The following THEMIS variants were observed in gnomAD, a reference collection of about 807,000 sequenced individuals.
THEMIS encodes thymocyte selection associated.
A neutral mutation model predicts 52.6 loss-of-function variants in THEMIS; 37 were observed. The ratio of observed to expected loss-of-function variants is 0.70; its 90% CI spans 0.54 to 0.93. The LOEUF (loss-of-function observed/expected upper bound fraction) is 0.93. Among genes scored for constraint, THEMIS ranks in the 40% least tolerant of loss-of-function variants. THEMIS has a pLI of 0.00. For synonymous variants in THEMIS, 292 were observed against 272.7 expected (o/e 1.07, Z -0.70); for missense variants, 808 against 763.1 (o/e 1.06, Z -0.69).
At chr6:127,896,671 A>G (rs1169569258) in intron 1 of THEMIS, among the ~76,000 whole-genome samples, 5 of 151,540 alleles carry the variant, frequency 3.3e-5, no homozygotes, top group Non-Finnish European at 7.4e-5. Flanking sequence ...GGAATAATAA[A>G]TTGAGAGAAC....
In THEMIS at chr6:127,829,468, A is replaced by G. The variant is rs200416900; in HGVS notation, c.709+8T>C. The G allele has an allele frequency of 6.3e-7, 1 of 1,585,396 alleles. No homozygotes were observed. On this transcript the variant is annotated splice_region_variant and intron_variant, in intron 3 of 5. Coordinates refer to ENST00000368248, the MANE Select transcript of THEMIS (RefSeq NM_001010923.3). ...GCTCATAGAACATCATTCTCAGTGG[A>G]TACTCACATTTCATCACACCTTGAA... is the stretch of plus-strand genomic sequence containing the variant.
At position 127,855,039 on chromosome 6, in the gene THEMIS, T is replaced by G. The variant is rs759191168; in HGVS notation, c.241A>C (p.Asn81His). 1 of 1,604,762 alleles carries G rather than the reference T, an allele frequency of 6.2e-7. No individual in the cohort carries two copies. Among genetic ancestry groups the G allele is most frequent in the Admixed American group, 1.7e-5 (1 of 58,252 alleles). The change falls in exon 2 of 6, where the codon AAT becomes CAT. Residue 81 changes from asparagine to histidine, a missense_variant. Physicochemically the swap from Asn to His is moderately conservative, Grantham distance 68. Transcript: ENST00000368248. ...TTGCAATGTGCTGTACCTGGAAAAT[T>G]CATAGGCAGTTCAAATGGCTGTAGA... ...ESLQPFELPM[N>H]FPGLFKIVAD...
chr6:127,734,957 A>ATG (rs541202962), intron 4 of THEMIS, among the ~76,000 whole-genome samples: 2 of 137,786 alleles, frequency 1.5e-5, no homozygotes, highest in Admixed American at 7.6e-5. Context: ...ATATACATAT[A>ATG]TGTGTGTGTG....
At chr6:127,815,116 C>T (rs945641954) in intron 3 of THEMIS, among the ~76,000 whole-genome samples, 2 of 151,934 alleles carry the variant, frequency 1.3e-5, no homozygotes, top group African/African-American at 4.8e-5. Flanking sequence ...ATACCCACTG[C>T]ATTTCAGCTT....
chr6:127,795,618 G>A (rs751459755), intron 4 of THEMIS, among the ~76,000 whole-genome samples: 4 of 152,120 alleles, frequency 2.6e-5, no homozygotes, highest in Non-Finnish European at 4.4e-5. Context: ...GTGAGCCACC[G>A]CGCCCGGCCA....
intron 5 of THEMIS, among the ~76,000 whole-genome samples, chr6:127,715,550 T>C (rs534927358): frequency 3.9e-5 from 6 of 151,964 alleles, no homozygotes; most frequent in Non-Finnish European, 7.4e-5. Flanking sequence ...ATGGTCCTGA[T>C]AGGAAACTAC....
rs146482323 is a variant in THEMIS, at chr6:127,899,126, G to A, written c.91+1716C>T. ...ACAACTAGAGTAGTGGAATTGGAAT[G>A]TTCCTAACATGAAGAAATGGTAAAA... On this transcript the variant is annotated intron_variant, in intron 1 of 5. Coordinates refer to ENST00000368248, the MANE Select transcript of THEMIS (RefSeq NM_001010923.3). 1.2e-3 allele frequency among the ~76,000 whole-genome samples: 181 copies of A among 151,900 alleles called. 1 individual carries two copies. The highest frequency in any genetic ancestry group is 4.2e-3 in the African/African-American group (173 of 41,518).
At chr6:127,892,912 T>C (rs562611737) in intron 1 of THEMIS, among the ~76,000 whole-genome samples, 2 of 152,148 alleles carry the variant, frequency 1.3e-5, no homozygotes, top group Non-Finnish European at 2.9e-5. Flanking sequence ...AATTTTTTAA[T>C]ATTAGTATGG....
chr6:127,719,273 A>T (rs1039517048), intron 5 of THEMIS, among the ~76,000 whole-genome samples: 1 of 151,872 alleles, frequency 6.6e-6, no homozygotes, highest in African/African-American at 2.4e-5. Context: ...CTATAAACTA[A>T]ACCATCATAA....
Position 127,709,260 on chromosome 6 carries a change from A to G in THEMIS, c.*725T>C, listed in dbSNP as rs1773892894. On this transcript the variant is annotated 3_prime_UTR_variant, in exon 6 of 6. Transcript: ENST00000368248. ...TACAATCCTAAGAAACATTCATCTA[A>G]AGAATTATCTGGTACATAGCACATA... 1 of 152,020 alleles carries G rather than the reference A, an allele frequency of 6.6e-6. No homozygotes were observed. The highest frequency in any genetic ancestry group is 1.5e-5 in the Non-Finnish European group (1 of 67,948). The allele number at this position is 152,020 out of a possible 1,614,324, so 9.4% of individuals were successfully genotyped here.
intron 1 of THEMIS, among the ~76,000 whole-genome samples, chr6:127,910,990 G>A (rs1193569136): frequency 6.6e-6 from 1 of 152,012 alleles, no homozygotes; most frequent in African/African-American, 2.4e-5. Flanking sequence ...TAGGCATTTT[G>A]TAGAATGTGC....
chr6:127,891,253 AG>A (rs1304520796), intron 1 of THEMIS, among the ~76,000 whole-genome samples: 1 of 152,044 alleles, frequency 6.6e-6, no homozygotes, highest in East Asian at 1.9e-4. Flanking sequence ...CATTTCGGCC[AG>A]GCGCGGTGGC....
At chr6:127,702,389 G>T in the THEMIS span, among the ~76,000 whole-genome samples, 1 of 152,038 alleles carries the variant, frequency 6.6e-6, no homozygotes, top group Non-Finnish European at 1.5e-5. Flanking sequence ...GTTATTCCTG[G>T]AAAGGTCTCA....
chr6:127,797,727 A>G (rs1020889605), intron 4 of THEMIS, among the ~76,000 whole-genome samples: 3 of 152,236 alleles, frequency 2.0e-5, no homozygotes, highest in Non-Finnish European at 2.9e-5. Context: ...GTTAACAACC[A>G]TCTGTAAAAC....
chr6:127,905,666 T>A, upstream of THEMIS, among the ~76,000 whole-genome samples: 1 of 152,060 alleles, frequency 6.6e-6, no homozygotes, highest in Middle Eastern at 3.2e-3. Flanking sequence ...TCATGCAATA[T>A]ATTGTAAAAT....
chr6:127,758,930 C>T (rs988401110), intron 4 of THEMIS, among the ~76,000 whole-genome samples: 3 of 151,980 alleles, frequency 2.0e-5, no homozygotes, highest in Non-Finnish European at 4.4e-5. Context: ...CAGTATTATG[C>T]ACAATTTATG....
At chr6:127,751,004 G>A (rs142570786) in intron 4 of THEMIS, among the ~76,000 whole-genome samples, 24 of 151,802 alleles carry the variant, frequency 1.6e-4, no homozygotes, top group African/African-American at 5.1e-4. Context: ...ATGCTAATTA[G>A]CAACATGAAA....
At chr6:127,772,854 T>A (rs1776433936) in intron 4 of THEMIS, among the ~76,000 whole-genome samples, 1 of 152,166 alleles carries the variant, frequency 6.6e-6, no homozygotes, top group Non-Finnish European at 1.5e-5. Flanking sequence ...TGAGGGCGTT[T>A]GGGGGCAGCT....
chr6:127,841,141 C>G (rs1204661580), intron 2 of THEMIS, among the ~76,000 whole-genome samples: 2 of 151,964 alleles, frequency 1.3e-5, no homozygotes, highest in African/African-American at 4.8e-5. Flanking sequence ...CTACTTGCAA[C>G]AAATGTACCA....
Sources: gnomAD v4.1 joint callset for allele counts (sites outside exome capture counted in the v4.1 genomes callset) on GRCh38, gnomAD v4.1.1 for gene constraint, MANE v1.5 for transcripts, NCBI Gene and HGNC (gene_info 2026-07-23, HGNC 2026-07-21) for gene names.